Variants in PDE3B observed in about 807,000 individuals in gnomAD.
PDE3B encodes the protein cGMP-inhibited 3',5'-cyclic phosphodiesterase 3B.
A neutral mutation model predicts 116.8 loss-of-function variants in PDE3B; 66 were observed. The observed-to-expected ratio is 0.56, with a 90% CI of 0.46 to 0.69. PDE3B has a LOEUF of 0.69. PDE3B is among the 30% of genes least tolerant of loss of function. The pLI is 0.00. For missense variants in PDE3B, 1,384 were observed against 1,368.1 expected, an observed-to-expected ratio of 1.01 and a Z score of -0.18; for synonymous variants, 595 against 533.6, an observed-to-expected ratio of 1.12 and a Z score of -1.59.
intron 1 of PDE3B, among the ~76,000 whole-genome samples, chr11:14,665,635 G>C (rs1296359650): frequency 2.6e-5 from 4 of 151,666 alleles, no homozygotes; most frequent in East Asian, 3.9e-4. Context: ...CAGACAAACA[G>C]AGAGCCAAAT....
At chr11:14,802,141 G>A (rs1415940357) in intron 4 of PDE3B, among the ~76,000 whole-genome samples, 1 of 152,140 alleles carries the variant, frequency 6.6e-6, no homozygotes, top group Non-Finnish European at 1.5e-5. Flanking sequence ...GGGAGTATAG[G>A]GTTCTGTCTT....
chr11:14,644,640 C>T lies in PDE3B; in HGVS notation c.565C>T (p.Pro189Ser). The T allele has an allele frequency of 2.7e-6, 4 of 1,505,800 alleles. No individual in the cohort carries two copies. Among genetic ancestry groups the T allele is most frequent in the Admixed American group, 2.2e-5 (1 of 44,708 alleles). The allele number at this position is 1,505,800 out of a possible 1,614,324, so 93.3% of individuals were successfully genotyped here. A position where few individuals can be genotyped will look rare whatever the true frequency, so the allele number is the denominator to read the frequency against. The change falls in exon 1 of 16, where the codon CCC (proline) becomes TCC (serine). Residue 189 changes from proline (P) to serine (S), a missense_variant. Around this residue, in one of 2 missense-constraint regions of PDE3B, gnomAD observed 956 missense variants for 806.8 expected, o/e 1.18. Transcript: ENST00000282096. ...GDAGSAAPHT[P>S]PEAAAGRLLL... is the part of the protein sequence containing the mutation. The stretch of plus-strand genomic sequence containing the variant: ...CGCAGGGTCCGCGGCCCCGCACACG[C>T]CCCCGGAGGCGGCAGCGGGCAGGTT...
At chr11:14,768,082 T>C (rs1857545632) in intron 1 of PDE3B, among the ~76,000 whole-genome samples, 1 of 151,244 alleles carries the variant, frequency 6.6e-6, no homozygotes, top group Admixed American at 6.6e-5. Flanking sequence ...AAAAAAAAAG[T>C]ATTATTCCCA....
At chr11:14,672,585 GTTTA>G (rs1410597134) in intron 1 of PDE3B, among the ~76,000 whole-genome samples, 3 of 152,224 alleles carry the variant, frequency 2.0e-5, no homozygotes, top group African/African-American at 4.8e-5. Flanking sequence ...TAAGAAAGAA[GTTTA>G]TTTATCATAT....
chr11:14,669,387 A>G lies in PDE3B; in HGVS notation c.978+24334A>G, dbSNP rs181158415. Among the ~76,000 whole-genome samples the G allele has an allele frequency of 6.6e-5, 10 of 152,240 alleles. No homozygotes were observed. The South Asian group carries it at 8.3e-4, about 13-fold the overall frequency. On this transcript the variant is annotated intron_variant, in intron 1 of 15. Transcript: ENST00000282096. The stretch of plus-strand genomic sequence containing the variant: ...AAGGGGGGCTTTGGATATAAACAAG[A>G]GTCTCCTGGGGCACTGAACAGGGTG...
At chr11:14,860,828 CTTTT>C (rs1847934242) in intron 13 of PDE3B, among the ~76,000 whole-genome samples, 1 of 151,694 alleles carries the variant, frequency 6.6e-6, no homozygotes, top group Admixed American at 6.6e-5. Context: ...CTTAAGTGTT[CTTTT>C]TTGAGGTAGA....
At chr11:14,659,001 C>T (rs1330701895) in intron 1 of PDE3B, among the ~76,000 whole-genome samples, 2 of 152,046 alleles carry the variant, frequency 1.3e-5, no homozygotes, top group Non-Finnish European at 2.9e-5. Flanking sequence ...ATACATAATA[C>T]TCATAATTTC....
chr11:14,769,242 A>G lies in PDE3B; in HGVS notation c.979-2695A>G, dbSNP rs560616693. Reference sequence around the variant, plus strand: ...GTCTGTAATATTGTAATACTACAATATTGTAATGTACAATATTGAGGGAGA... The same window carrying G: ...GTCTGTAATATTGTAATACTACAATGTTGTAATGTACAATATTGAGGGAGA... On this transcript the variant is annotated intron_variant, in intron 1 of 15. Transcript: ENST00000282096. 6.6e-5 allele frequency among the ~76,000 whole-genome samples: 10 copies of G among 151,616 alleles called. No individual in the cohort carries two copies. The South Asian group carries it at 1.0e-3, about 16-fold the overall frequency.
At chr11:14,880,430 CAATCCATGGAAAGGCA>C in the PDE3B span, 1 of 1,613,360 alleles carries the variant, frequency 6.2e-7, no homozygotes, top group Non-Finnish European at 8.5e-7. Flanking sequence ...GGCAGGATGC[CAATCCATGGAAAGGCA>C]TTATACAAGA....
chr11:14,741,667 CAG>C lies in PDE3B; in HGVS notation c.979-30269_979-30268del, dbSNP rs531801224. 1.2e-3 allele frequency among the ~76,000 whole-genome samples: 178 copies of C among 152,108 alleles called. 1 individual carries two copies. The highest frequency in any genetic ancestry group is 4.0e-3 in the African/African-American group (167 of 41,444). Reference sequence around the variant, plus strand: ...TGGTTGTTTTGCCTGTTAGTTGATGCAGTTTCTTCATAGTGTCGATGGTCTTT... The same window carrying C: ...TGGTTGTTTTGCCTGTTAGTTGATGCTTTCTTCATAGTGTCGATGGTCTTT... On this transcript the variant is annotated intron_variant, in intron 1 of 15. Transcript: ENST00000282096.
At chr11:14,804,117 T>C in intron 5 of PDE3B, 67 bp downstream of exon 5, 1 of 808,398 alleles carries the variant, frequency 1.2e-6, no homozygotes, top group Admixed American at 2.1e-5. Context: ...TAAACACTTT[T>C]CATCACATAT....
intron 4 of PDE3B, among the ~76,000 whole-genome samples, chr11:14,794,115 C>T (rs931319281): frequency 6.6e-6 from 1 of 152,078 alleles, no homozygotes; most frequent in African/African-American, 2.4e-5. Flanking sequence ...TGTTCGTTTG[C>T]TTTTGACAAC....
At chr11:14,874,196 C>A (rs1848169428), downstream of PDE3B, among the ~76,000 whole-genome samples, 1 of 152,140 alleles carries the variant, frequency 6.6e-6, no homozygotes, top group Admixed American at 6.5e-5. Flanking sequence ...TTATTAAGAT[C>A]ATGACTCATG....
the PDE3B span, chr11:14,877,958 G>A: frequency 1.5e-5 from 10 of 672,658 alleles, no homozygotes; most frequent in East Asian, 5.5e-5. Flanking sequence ...AAACAATCAC[G>A]ACTAGTGCTT....
intron 1 of PDE3B, among the ~76,000 whole-genome samples, chr11:14,739,842 G>C (rs1360045422): frequency 2.6e-5 from 4 of 152,054 alleles, no homozygotes; most frequent in African/African-American, 9.7e-5. Context: ...AAGGCCTTTT[G>C]TGCATCTGTT....
At chr11:14,841,807 G>T (rs1022278187) in intron 11 of PDE3B, among the ~76,000 whole-genome samples, 1 of 148,812 alleles carries the variant, frequency 6.7e-6, no homozygotes, top group Non-Finnish European at 1.5e-5. Flanking sequence ...TGGGATTATA[G>T]GCATGAGCCA....
chr11:14,763,587 G>C (rs1269116072), intron 1 of PDE3B, among the ~76,000 whole-genome samples: 1 of 152,070 alleles, frequency 6.6e-6, no homozygotes, highest in Admixed American at 6.6e-5. Flanking sequence ...ATGATGATGA[G>C]AGAGAGAATT....
chr11:14,823,546 T>C (rs1312919874), intron 7 of PDE3B, among the ~76,000 whole-genome samples: 1 of 152,082 alleles, frequency 6.6e-6, no homozygotes, highest in East Asian at 1.9e-4. Flanking sequence ...TTTACACAGG[T>C]CCTCAACCCT....
At chr11:14,649,038 G>A (rs888909146) in intron 1 of PDE3B, among the ~76,000 whole-genome samples, 22 of 152,162 alleles carry the variant, frequency 1.4e-4, no homozygotes, top group Non-Finnish European at 2.6e-4. Flanking sequence ...AAACAGTGCT[G>A]ATGAGTATTT....
Sources: gnomAD v4.1 joint callset for allele counts (sites outside exome capture counted in the v4.1 genomes callset) on GRCh38, gnomAD v4.1.1 for gene constraint, gnomAD v4.1.1 regional missense constraint, MANE v1.5 for transcripts, NCBI Gene and HGNC (gene_info 2026-07-23, HGNC 2026-07-21) for gene names.